Variants in YTHDC2 observed in about 807,000 individuals in gnomAD.
The protein encoded by YTHDC2 is YTH N6-methyladenosine RNA binding protein C2, also known as 3'-5' RNA helicase YTHDC2.
Under a neutral mutation model 174.9 loss-of-function variants are expected in YTHDC2, and 45 were observed. The observed-to-expected ratio is 0.26, with a 90% CI of 0.20 to 0.33. YTHDC2 has a LOEUF of 0.33. YTHDC2 is among the 10% of genes least tolerant of loss of function. YTHDC2 has a pLI of 1.00. For synonymous variants in YTHDC2, 657 were observed against 574.5 expected (o/e 1.14, Z -2.05); for missense variants, 1,650 against 1,723.7 (o/e 0.96, Z 0.76).
chr5:113,591,525 T>C (rs1779006304), intron 27 of YTHDC2, among the ~76,000 whole-genome samples: 1 of 152,192 alleles, frequency 6.6e-6, no homozygotes, highest in Non-Finnish European at 1.5e-5. Flanking sequence ...AATGAGAAGC[T>C]TGACCTTTTG....
intron 8 of YTHDC2, among the ~76,000 whole-genome samples, chr5:113,540,132 C>A (rs1460084394): frequency 2.6e-5 from 4 of 152,174 alleles, no homozygotes; most frequent in Non-Finnish European, 5.9e-5. Context: ...AAGCAATCCT[C>A]TTGCCTCAGT....
Position 113,593,285 on chromosome 5 carries a change from G to T in YTHDC2, c.4213-18G>T. On this transcript the variant is annotated intron_variant, in intron 28 of 29. Transcript: ENST00000161863. Reference sequence around the variant, plus strand: ...CTCCAGTTCTTTTTATGTTTATTTTGACTTCTGATTTATCTAGGAACTAGA... The same window carrying T: ...CTCCAGTTCTTTTTATGTTTATTTTTACTTCTGATTTATCTAGGAACTAGA... 6.3e-7 allele frequency: 1 copy of T among 1,599,764 alleles called. No homozygotes were observed. Among genetic ancestry groups the T allele is most frequent in the South Asian group, 1.1e-5 (1 of 90,224 alleles).
chr5:113,565,943 G>T lies in YTHDC2; in HGVS notation c.2766G>T (p.Lys922Asn). The T allele has an allele frequency of 1.2e-6, 2 of 1,613,666 alleles. No individual in the cohort carries two copies. The highest frequency in any genetic ancestry group is 1.7e-6 in the Non-Finnish European group (2 of 1,179,764). Reference protein sequence around the residue: ...SDGWERAFCEKNFLSQATMEI... With the variant: ...SDGWERAFCENNFLSQATMEI... Reference sequence around the variant, plus strand: ...GGTGGGAGCGAGCCTTTTGTGAAAAGAATTTTCTTTCACAGGCTACTATGG... The same window carrying T: ...GGTGGGAGCGAGCCTTTTGTGAAAATAATTTTCTTTCACAGGCTACTATGG... Residue 922 changes from lysine to asparagine, a missense_variant, in exon 21 of 30, where the codon AAG becomes AAT. Physicochemically the swap from Lys to Asn is moderately conservative, Grantham distance 94. Transcript: ENST00000161863.
chr5:113,581,421 C>G lies in YTHDC2; in HGVS notation c.3359C>G (p.Ala1120Gly). 6.3e-7 allele frequency: 1 copy of G among 1,599,078 alleles called. No individual in the cohort carries two copies. The highest frequency in any genetic ancestry group is 8.5e-7 in the Non-Finnish European group (1 of 1,173,544). Residue 1120 changes from alanine (A) to glycine (G), a missense_variant, in exon 25 of 30, where the codon GCT (alanine) becomes GGT (glycine). By Grantham distance (60) the Ala-to-Gly change is moderately conservative. Coordinates refer to ENST00000161863, the MANE Select transcript of YTHDC2 (RefSeq NM_022828.5). ...WLHFTLEPEA[A>G]SLLLQLRQKW... The stretch of plus-strand genomic sequence containing the variant: ...TATCTATTTGAACTATTACAGGCAG[C>G]TAGTTTATTGCTGCAGCTCAGACAG...
At chr5:113,556,012 C>G (rs1213031146) in intron 16 of YTHDC2, 40 bp from the exon 17 acceptor site, 1 of 1,287,086 alleles carries the variant, frequency 7.8e-7, no homozygotes, top group Admixed American at 1.8e-5. Context: ...CTTTTAAATA[C>G]CTTTTATATT....
At chr5:113,518,556 CGTGTGTGTGTGTGTGTGTGTGTGT>C (rs67062871) in intron 2 of YTHDC2, among the ~76,000 whole-genome samples, 3 of 144,464 alleles carry the variant, frequency 2.1e-5, no homozygotes, top group Non-Finnish European at 3.0e-5. Flanking sequence ...AGTTAGTTTT[CGTGTGTGTGTGTGTGTGTGTGTGT>C]GTGTGTGTGT....
intron 4 of YTHDC2, among the ~76,000 whole-genome samples, chr5:113,530,106 C>T (rs369880266): frequency 2.6e-5 from 4 of 152,072 alleles, no homozygotes; most frequent in African/African-American, 7.2e-5. Flanking sequence ...CTGGCTCTTC[C>T]TATAAATATT....
intron 23 of YTHDC2, among the ~76,000 whole-genome samples, chr5:113,570,748 T>G (rs1452460956): frequency 6.6e-6 from 1 of 152,102 alleles, no homozygotes; most frequent in Non-Finnish European, 1.5e-5. Context: ...CCTTCTGGGT[T>G]CAAGCAATTC....
intron 9 of YTHDC2, among the ~76,000 whole-genome samples, chr5:113,541,365 G>A (rs1194288704): frequency 6.6e-6 from 1 of 151,930 alleles, no homozygotes; most frequent in Non-Finnish European, 1.5e-5. Flanking sequence ...CTAAATTTTT[G>A]TATTTTTAGT....
chr5:113,553,888 C>A (rs1328288654), intron 15 of YTHDC2, 34 bp downstream of exon 15: 7 of 1,584,980 alleles, frequency 4.4e-6, no homozygotes, highest in Non-Finnish European at 5.1e-6. Context: ...TTAACACTTT[C>A]ATTAGTTATT....
chr5:113,533,172 C>A, intron 5 of YTHDC2, 127 bp downstream of exon 5: 1 of 1,010,908 alleles, frequency 9.9e-7, no homozygotes, highest in Non-Finnish European at 1.4e-6. Context: ...AAGTCTACAT[C>A]AAGATATTAA....
chr5:113,542,357 G>T lies in YTHDC2; in HGVS notation c.1360-11G>T, dbSNP rs1235086634. Reference sequence around the variant, plus strand: ...TTTATGATAATTTATGATTTTTACTGTTTTTTGTAGACTGAAAAAGATGTG... The same window carrying T: ...TTTATGATAATTTATGATTTTTACTTTTTTTTGTAGACTGAAAAAGATGTG... On this transcript the variant is annotated splice_polypyrimidine_tract_variant and intron_variant, in intron 9 of 29. Coordinates refer to ENST00000161863, the MANE Select transcript of YTHDC2 (RefSeq NM_022828.5). The T allele has an allele frequency of 6.2e-7, 1 of 1,602,674 alleles. No homozygotes were observed. The highest frequency in any genetic ancestry group is 1.3e-5 in the African/African-American group (1 of 74,314).
Position 113,515,340 on chromosome 5 carries a change from G to T in YTHDC2, c.256G>T (p.Gly86Cys). Reference sequence around the variant, plus strand: ...TATTCATCGACTCAGTCAGTCTCTTGGTTTGGTCTCTAAAAGTAAAGGGTA... The same window carrying T: ...TATTCATCGACTCAGTCAGTCTCTTTGTTTGGTCTCTAAAAGTAAAGGGTA... ...AFIHRLSQSLGLVSKSKGKGA... is the reference protein window; with the variant it reads ...AFIHRLSQSLCLVSKSKGKGA... The change falls in exon 2 of 30, where the codon GGT (glycine) becomes TGT (cysteine). Residue 86 changes from glycine to cysteine, a missense_variant. Around this residue, in one of 5 missense-constraint regions of YTHDC2, gnomAD observed 304 missense variants for 341.4 expected, o/e 0.89. Coordinates refer to ENST00000161863, the MANE Select transcript of YTHDC2 (RefSeq NM_022828.5). The T allele has an allele frequency of 6.2e-7, 1 of 1,612,100 alleles. No individual in the cohort carries two copies. The highest frequency in any genetic ancestry group is 8.5e-7 in the Non-Finnish European group (1 of 1,179,540).
At chr5:113,540,053 A>G (rs1414594058) in intron 8 of YTHDC2, among the ~76,000 whole-genome samples, 1 of 152,112 alleles carries the variant, frequency 6.6e-6, no homozygotes, top group African/African-American at 2.4e-5. Context: ...TGCCCAACTA[A>G]TTTTTAAAAT....
intron 1 of YTHDC2, 65 bp downstream of exon 1, chr5:113,514,147 A>C: frequency 7.2e-6 from 11 of 1,530,336 alleles, no homozygotes; most frequent in Non-Finnish European, 8.8e-6. Flanking sequence ...CGCCCCCCAA[A>C]CGGCGGCCCA....
At chr5:113,523,656 TAAAATTC>T (rs1161181214) in intron 2 of YTHDC2, among the ~76,000 whole-genome samples, 1 of 152,084 alleles carries the variant, frequency 6.6e-6, no homozygotes, top group African/African-American at 2.4e-5. Flanking sequence ...CTAGAAAGCT[TAAAATTC>T]ATTGAAATAT....
At chr5:113,569,351 G>C (rs1777566018) in intron 23 of YTHDC2, among the ~76,000 whole-genome samples, 1 of 152,130 alleles carries the variant, frequency 6.6e-6, no homozygotes, top group East Asian at 1.9e-4. Flanking sequence ...AGTTTAATTA[G>C]ATCCCATTTG....
chr5:113,553,956 T>C lies in YTHDC2; in HGVS notation c.2067T>C (p.Asn689=). The change falls in exon 16 of 30, where the codon AAT becomes AAC. Residue 689 remains asparagine (N), a synonymous_variant. Transcript: ENST00000161863. ...AGVRKIILST[N]IAETSITVND... is the part of the protein sequence containing the mutation. ...TCTTGTTGCAGATTCTTTCCACCAA[T>C]ATTGCTGAAACCAGCATCACAGTCA... is the stretch of plus-strand genomic sequence containing the variant. 1 of 1,586,628 alleles carries C rather than the reference T, an allele frequency of 6.3e-7. No homozygotes were observed. The highest frequency in any genetic ancestry group is 8.6e-7 in the Non-Finnish European group (1 of 1,169,566).
Position 113,553,220 on chromosome 5 carries a change from G to C in YTHDC2, c.1728G>C (p.Leu576=). The C allele has an allele frequency of 2.6e-6, 4 of 1,551,566 alleles. No individual in the cohort carries two copies. Among genetic ancestry groups the C allele is most frequent in the Non-Finnish European group, 3.5e-6 (4 of 1,152,998 alleles). Residue 576 remains leucine (L), a synonymous_variant, in exon 13 of 30, where the codon CTG becomes CTC. Coordinates refer to ENST00000161863, the MANE Select transcript of YTHDC2 (RefSeq NM_022828.5). ...LEFGNLDESS[L]VQTNGSDLSA... ...TTGGAAATCTAGATGAAAGTTCTCT[G>C]GTTCAAACAAATGGAAGTGACCTCA... is the stretch of plus-strand genomic sequence containing the variant.
Sources: gnomAD v4.1 joint callset for allele counts (sites outside exome capture counted in the v4.1 genomes callset) on GRCh38, gnomAD v4.1.1 for gene constraint, gnomAD v4.1.1 regional missense constraint, MANE v1.5 for transcripts, NCBI Gene and HGNC (gene_info 2026-07-23, HGNC 2026-07-21) for gene names.